Variants in FHOD3 observed in about 807,000 individuals in gnomAD.
FHOD3 encodes the protein FH1/FH2 domain-containing protein 3.
FHOD3 carries 90 observed loss-of-function variants against 173.0 expected under a neutral mutation model. That is an observed-to-expected ratio of 0.52 (90% CI 0.44 to 0.62). The LOEUF (loss-of-function observed/expected upper bound fraction) is 0.62. Among genes scored for constraint, FHOD3 ranks in the 20% least tolerant of loss-of-function variants. The pLI is 0.00. For synonymous variants in FHOD3, 828 were observed against 823.0 expected (o/e 1.01, Z -0.10); for missense variants, 1,945 against 2,034.7 (o/e 0.96, Z 0.85).
intron 18 of FHOD3, chr18:36,709,955 T>C (rs2040078893): frequency 6.5e-6 from 1 of 153,328 alleles, no homozygotes; most frequent in Non-Finnish European, 1.5e-5. Context: ...GGAATATAGA[T>C]AATTTGTTTT....
Position 36,535,877 on chromosome 18 carries a change from A to G in FHOD3, c.511+23334A>G, listed in dbSNP as rs140558198. Among the ~76,000 whole-genome samples the G allele has an allele frequency of 5.8e-3, 879 of 152,352 alleles. 5 individuals are homozygous for G. Among genetic ancestry groups the G allele is most frequent in the African/African-American group, 0.019 (794 of 41,582 alleles). ...TGAATATTTTAGGCATTTTGGTCCA[A>G]GAGGCAAAACTGAGATTATTGAGTA... On this transcript the variant is annotated intron_variant, in intron 5 of 28. Coordinates refer to ENST00000590592, the MANE Select transcript of FHOD3 (RefSeq NM_001281740.3).
chr18:36,391,370 G>T (rs910129130), intron 3 of FHOD3, among the ~76,000 whole-genome samples: 1 of 152,192 alleles, frequency 6.6e-6, no homozygotes, highest in Non-Finnish European at 1.5e-5. Flanking sequence ...CTTCAGGGGT[G>T]CTTGCAGGTG....
chr18:36,534,232 G>A (rs2146940744), intron 5 of FHOD3, among the ~76,000 whole-genome samples: 1 of 152,330 alleles, frequency 6.6e-6, no homozygotes, highest in East Asian at 1.9e-4. Flanking sequence ...GTTTAGGGGA[G>A]CATAAAACCA....
Position 36,682,647 on chromosome 18 carries a change from A to G in FHOD3, c.1970+1077A>G, listed in dbSNP as rs143308975. Reference sequence around the variant, plus strand: ...GCCCAGGCTGGAGTACAGTGGCGCAATCTTGGCTCCCAGCAACCTCTGCCT... The same window carrying G: ...GCCCAGGCTGGAGTACAGTGGCGCAGTCTTGGCTCCCAGCAACCTCTGCCT... On this transcript the variant is annotated intron_variant, in intron 15 of 28. Coordinates refer to ENST00000590592, the MANE Select transcript of FHOD3 (RefSeq NM_001281740.3). Among the ~76,000 whole-genome samples the G allele has an allele frequency of 2.5e-3, 388 of 152,260 alleles. 3 individuals carry two copies. The highest frequency in any genetic ancestry group is 8.7e-3 in the African/African-American group (362 of 41,538).
intron 10 of FHOD3, among the ~76,000 whole-genome samples, chr18:36,643,471 C>T (rs1249040874): frequency 6.6e-6 from 1 of 152,068 alleles, no homozygotes; most frequent in Admixed American, 6.6e-5. Flanking sequence ...AGAATCGCTG[C>T]CCTAGGGTAT....
intron 3 of FHOD3, among the ~76,000 whole-genome samples, chr18:36,451,298 T>A (rs1028213080): frequency 3.9e-5 from 6 of 152,190 alleles, no homozygotes; most frequent in African/African-American, 1.2e-4. Context: ...GTACATAATG[T>A]TAAAATAGCT....
intron 8 of FHOD3, 115 bp downstream of exon 8, chr18:36,602,883 A>G: frequency 1.2e-6 from 1 of 805,816 alleles, no homozygotes; most frequent in Admixed American, 2.1e-5. Flanking sequence ...AGCAGATATA[A>G]TCTGGTTGTG....
At chr18:36,600,356 A>G (rs1030123466) in intron 7 of FHOD3, among the ~76,000 whole-genome samples, 2 of 152,122 alleles carry the variant, frequency 1.3e-5, no homozygotes, top group African/African-American at 2.4e-5. Flanking sequence ...AGTGGACCCC[A>G]TAATTCTGAC....
intron 4 of FHOD3, 73 bp downstream of exon 4, chr18:36,502,072 T>C (rs2055059971): frequency 2.1e-6 from 2 of 951,728 alleles, no homozygotes; most frequent in Admixed American, 5.3e-5. Context: ...AGCTTCTACC[T>C]GTACTTGTTA....
At chr18:36,446,812 A>G (rs1599152000) in intron 3 of FHOD3, among the ~76,000 whole-genome samples, 1 of 152,126 alleles carries the variant, frequency 6.6e-6, no homozygotes, top group South Asian at 2.1e-4. Context: ...TCTCCAGTAG[A>G]ATGAGTTATT....
intron 3 of FHOD3, among the ~76,000 whole-genome samples, chr18:36,407,865 C>T (rs567492953): frequency 1.1e-4 from 16 of 152,316 alleles, no homozygotes; most frequent in African/African-American, 3.8e-4. Flanking sequence ...TATAATAATA[C>T]TTGTAGGGTT....
rs1392628783 is a variant in FHOD3, at chr18:36,489,349, G to A, written c.338-12583G>A. 5.3e-5 allele frequency among the ~76,000 whole-genome samples: 8 copies of A among 152,312 alleles called. No individual in the cohort carries two copies. In the East Asian group the frequency reaches 1.5e-3, roughly 29 times the overall value. On this transcript the variant is annotated intron_variant, in intron 3 of 28. Coordinates refer to ENST00000590592, the MANE Select transcript of FHOD3 (RefSeq NM_001281740.3). ...AGCCATTGTGCCATGGCCATCTCAGGAGAGGGATGCCCTGTTCACAAGCAA... is the reference window on the plus strand; with the variant it reads ...AGCCATTGTGCCATGGCCATCTCAGAAGAGGGATGCCCTGTTCACAAGCAA...
chr18:36,578,950 A>T (rs531447174), intron 6 of FHOD3, among the ~76,000 whole-genome samples: 8 of 151,172 alleles, frequency 5.3e-5, no homozygotes, highest in East Asian at 1.9e-4. Context: ...GAAAATCTTT[A>T]AAAAAAAATG....
chr18:36,355,380 G>A lies in FHOD3; in HGVS notation c.166-159G>A, dbSNP rs1362037326. Among the ~76,000 whole-genome samples, 5 of 152,150 alleles carry A rather than the reference G, an allele frequency of 3.3e-5. No individual in the cohort carries two copies. The East Asian group carries it at 9.6e-4, about 29-fold the overall frequency. ...TCCACTTGGTACACAGATTGTTCCC[G>A]ATCTATTTGCACTAACATACTAGCT... On this transcript the variant is annotated intron_variant, in intron 1 of 28. Transcript: ENST00000590592.
chr18:36,303,230 A>G (rs1039287256), intron 1 of FHOD3, among the ~76,000 whole-genome samples: 2 of 152,240 alleles, frequency 1.3e-5, no homozygotes, highest in Non-Finnish European at 2.9e-5. Context: ...CAGGTTGCCT[A>G]GGGCTATACT....
chr18:36,444,054 G>T (rs566235542), intron 3 of FHOD3, among the ~76,000 whole-genome samples: 2 of 152,062 alleles, frequency 1.3e-5, no homozygotes, highest in Non-Finnish European at 2.9e-5. Context: ...TTAGCCGGGG[G>T]CAGTGGCGGG....
intron 1 of FHOD3, among the ~76,000 whole-genome samples, chr18:36,316,548 C>T (rs186659025): frequency 2.6e-5 from 4 of 152,248 alleles, no homozygotes; most frequent in African/African-American, 7.2e-5. Context: ...TTTGATTGGT[C>T]ATTATTGATT....
At chr18:36,572,313 G>A (rs986928107) in intron 5 of FHOD3, among the ~76,000 whole-genome samples, 8 of 152,144 alleles carry the variant, frequency 5.3e-5, no homozygotes, top group African/African-American at 9.7e-5. Flanking sequence ...TGACCCAGAC[G>A]TGTGTTTTCA....
chr18:36,646,792 A>G (rs1042989584), intron 10 of FHOD3, among the ~76,000 whole-genome samples: 3 of 152,234 alleles, frequency 2.0e-5, no homozygotes, highest in Admixed American at 2.0e-4. Flanking sequence ...AACAACAAAA[A>G]TTAACACACA....
Sources: allele counts gnomAD v4.1 joint callset (sites outside exome capture counted in the v4.1 genomes callset), GRCh38; gene constraint gnomAD v4.1.1; transcripts MANE v1.5; gene names NCBI Gene and HGNC (gene_info 2026-07-23, HGNC 2026-07-21).